FBXW4: variants seen among roughly 807,000 people sequenced by gnomAD.
The protein encoded by FBXW4 is F-box/WD repeat-containing protein 4.
In FBXW4, 40 loss-of-function variants were observed where a neutral mutation model predicts 61.8. That is an observed-to-expected ratio of 0.65 (90% confidence interval 0.50 to 0.84). The LOEUF is 0.84. Ranked by LOEUF, FBXW4 falls within the 40% of genes least tolerant of loss-of-function variation. FBXW4 has a pLI of 0.00. For missense variants in FBXW4, 672 were observed against 753.8 expected, an observed-to-expected ratio of 0.89 and a Z score of 1.27; for synonymous variants, 311 against 313.8, an observed-to-expected ratio of 0.99 and a Z score of 0.10.
Position 101,667,919 on chromosome 10 carries a change from C to G in FBXW4, c.1202G>C (p.Arg401Pro), listed in dbSNP as rs781234377. 6.2e-7 allele frequency: 1 copy of G among 1,614,106 alleles called. No individual in the cohort carries two copies. The highest frequency in any genetic ancestry group is 1.1e-5 in the South Asian group (1 of 91,078). ...QCLHTIQTED[R>P]VWSIAISPLL... is the part of the protein sequence containing the mutation. ...TGGGCTGATAGCAATGGACCAGACT[C>G]GGTCTTCAGTCTGGATGGTGTGTAA... The change falls in exon 5 of 9, where the codon CGA becomes CCA. Residue 401 changes from arginine (R) to proline (P), a missense_variant. By Grantham distance (103) the Arg-to-Pro change is moderately radical (BLOSUM62 -2). Around this residue, in one of 5 missense-constraint regions of FBXW4, gnomAD observed 312 missense variants for 370.1 expected, o/e 0.84. Coordinates refer to ENST00000331272, the MANE Select transcript of FBXW4 (RefSeq NM_022039.4).
intron 5 of FBXW4, among the ~76,000 whole-genome samples, chr10:101,650,943 C>T (rs1217691926): frequency 2.0e-5 from 3 of 152,198 alleles, no homozygotes; most frequent in Non-Finnish European, 4.4e-5. Context: ...AGTGACTAAG[C>T]GCAGGGTGGG....
At chr10:101,643,782 G>GGAGGAGAAACACTTCTATT (rs1257526334) in intron 5 of FBXW4, among the ~76,000 whole-genome samples, 1 of 152,208 alleles carries the variant, frequency 6.6e-6, no homozygotes, top group African/African-American at 2.4e-5. Context: ...ATGAGTGGAA[G>GGAGGAGAAACACTTCTATT]GAGGAGAAAC....
intron 5 of FBXW4, among the ~76,000 whole-genome samples, chr10:101,643,960 C>T (rs939618614): frequency 2.0e-5 from 3 of 152,166 alleles, no homozygotes; most frequent in Non-Finnish European, 4.4e-5. Flanking sequence ...CTGCCCTCCC[C>T]GCAAAGCCTA....
At chr10:101,673,452 T>A in intron 3 of FBXW4, 36 bp downstream of exon 3, 1 of 1,609,954 alleles carries the variant, frequency 6.2e-7, no homozygotes, top group Non-Finnish European at 8.5e-7. Flanking sequence ...AAGTATAAGA[T>A]GGAAAAGGGT....
chr10:101,668,078 G>A, intron 4 of FBXW4, 98 bp from the exon 5 acceptor site: 2 of 927,600 alleles, frequency 2.2e-6, no homozygotes, highest in East Asian at 2.5e-5. Context: ...TGGAGAAATG[G>A]GGAATCCTTT....
chr10:101,659,336 T>C, intron 5 of FBXW4: 1 of 963,014 alleles, frequency 1.0e-6, no homozygotes, highest in Non-Finnish European at 1.2e-6. Context: ...CATGGATGGT[T>C]TGAGTGGCTT....
intron 1 of FBXW4, among the ~76,000 whole-genome samples, chr10:101,686,041 T>C (rs1486345957): frequency 6.6e-6 from 1 of 152,174 alleles, no homozygotes; most frequent in African/African-American, 2.4e-5. Context: ...CACCCACATG[T>C]CAAAAATGTC....
chr10:101,631,229 C>T (rs1337329177), intron 5 of FBXW4, among the ~76,000 whole-genome samples: 2 of 152,208 alleles, frequency 1.3e-5, no homozygotes, highest in Non-Finnish European at 2.9e-5. Context: ...GCTTAGCCAA[C>T]TTCACGGATG....
chr10:101,641,860 T>C (rs1328776408), intron 5 of FBXW4, among the ~76,000 whole-genome samples: 1 of 148,270 alleles, frequency 6.7e-6, no homozygotes, highest in African/African-American at 2.4e-5. Context: ...CTGTATAGTA[T>C]ATCAATAGAC....
In FBXW4 at chr10:101,694,702, G is replaced by C. The variant is rs1283828552; in HGVS notation, c.404C>G (p.Pro135Arg). 5 of 1,374,458 alleles carry C rather than the reference G, an allele frequency of 3.6e-6. No homozygotes were observed. Among genetic ancestry groups the C allele is most frequent in the Non-Finnish European group, 4.7e-6 (5 of 1,072,262 alleles). 85.1% of individuals were successfully genotyped at this position (1,374,458 alleles called of 1,614,324 possible). A position where few individuals can be genotyped will look rare whatever the true frequency, so the allele number is the denominator to read the frequency against. The change falls in exon 1 of 9, where the codon CCG becomes CGG. Residue 135 changes from proline to arginine, a missense_variant. Transcript: ENST00000331272. This position sits in a 1 kb window ranked among gnomAD's most constrained non-coding sequence, Gnocchi z 6.0. The stretch of plus-strand genomic sequence containing the variant: ...ACCCCCTCGTCCCTGTGCTCTTCCC[G>C]GCCTGGCGCCCTCCCGCCGCCTAGC... ...VRARRREGAR[P>R]GRAQGRGGQA...
chr10:101,676,859 A>G (rs1453540078), intron 1 of FBXW4: 1 of 152,478 alleles, frequency 6.6e-6, no homozygotes, highest in African/African-American at 2.4e-5. Flanking sequence ...CTCTCAGACT[A>G]AGAAGGTAGA....
intron 2 of FBXW4, among the ~76,000 whole-genome samples, chr10:101,673,992 G>T (rs868721386): frequency 6.6e-6 from 1 of 152,050 alleles, no homozygotes; most frequent in Non-Finnish European, 1.5e-5. Flanking sequence ...TCATGGGTAC[G>T]CAGAGCTTAC....
chr10:101,689,353 C>A (rs1232381117), intron 1 of FBXW4, among the ~76,000 whole-genome samples: 1 of 152,224 alleles, frequency 6.6e-6, no homozygotes, highest in South Asian at 2.1e-4. Context: ...TTAGAGAAGG[C>A]TTCTTCCATT....
chr10:101,632,076 G>A (rs897116339), intron 5 of FBXW4, among the ~76,000 whole-genome samples: 5 of 152,158 alleles, frequency 3.3e-5, no homozygotes, highest in African/African-American at 1.2e-4. Flanking sequence ...TGATGGGACT[G>A]ATCAGTAGCT....
rs960421569 is a variant in FBXW4, at chr10:101,625,041, C to G, written c.1236-231G>C. On this transcript the variant is annotated intron_variant, in intron 5 of 8. Transcript: ENST00000331272. ...AGAAGACCCACGAGCTCAGCCACAG[C>G]TGGGCCTGCTGCACAGACTAGGTTG... The G allele has an allele frequency of 6.8e-6, 4 of 590,300 alleles. No homozygotes were observed. In the African/African-American group the frequency reaches 7.4e-5, roughly 11 times the overall value. The allele number at this position is 590,300 out of a possible 1,614,324, so 36.6% of individuals were successfully genotyped here.
intron 5 of FBXW4, among the ~76,000 whole-genome samples, chr10:101,663,053 C>T (rs2064261305): frequency 6.6e-6 from 1 of 152,204 alleles, no homozygotes; most frequent in Non-Finnish European, 1.5e-5. Flanking sequence ...AAAAGGCCTG[C>T]TTGTCCCTCA....
At chr10:101,635,195 T>C (rs2063990795) in intron 5 of FBXW4, among the ~76,000 whole-genome samples, 1 of 149,330 alleles carries the variant, frequency 6.7e-6, no homozygotes, top group South Asian at 2.1e-4. Flanking sequence ...GGGATCTAGA[T>C]TGTGGCTCCT....
At position 101,635,197 on chromosome 10, in the gene FBXW4, G is replaced by A. The variant is rs1424648825; in HGVS notation, c.1236-10387C>T. On this transcript the variant is annotated intron_variant, in intron 5 of 8. Coordinates refer to ENST00000331272, the MANE Select transcript of FBXW4 (RefSeq NM_022039.4). Reference sequence around the variant, plus strand: ...ACTGCACATGCAAGGGATCTAGATTGTGGCTCCTTTTGAAAATCTAATGCC... The same window carrying A: ...ACTGCACATGCAAGGGATCTAGATTATGGCTCCTTTTGAAAATCTAATGCC... Among the ~76,000 whole-genome samples, 2 of 149,296 alleles carry A rather than the reference G, an allele frequency of 1.3e-5. 1 individual carries two copies. The highest frequency in any genetic ancestry group is 3.0e-5 in the Non-Finnish European group (2 of 67,296).
intron 5 of FBXW4, among the ~76,000 whole-genome samples, chr10:101,629,838 G>A (rs951697756): frequency 2.6e-5 from 4 of 151,996 alleles, no homozygotes; most frequent in Non-Finnish European, 4.4e-5. Flanking sequence ...TTGATTGAAT[G>A]AATGAATGAA....
Sources: allele counts gnomAD v4.1 joint callset (sites outside exome capture counted in the v4.1 genomes callset), GRCh38; gene constraint gnomAD v4.1.1; regional missense constraint gnomAD v4.1.1; non-coding constraint Gnocchi (gnomAD v3.1); transcripts MANE v1.5; gene names NCBI Gene and HGNC (gene_info 2026-07-23, HGNC 2026-07-21).